ZNF808: variants seen among roughly 807,000 people sequenced by gnomAD.
ZNF808 encodes zinc finger protein 808.
ZNF808 carries 5 observed loss-of-function variants against 8.7 expected under a neutral mutation model. The observed-to-expected ratio is 0.58, with a 90% CI of 0.30 to 1.21. The LOEUF is 1.21. Among genes scored for constraint, ZNF808 ranks in the 50% most tolerant of loss-of-function variants. The pLI is 0.07. For synonymous variants in ZNF808, 380 were observed against 366.0 expected (o/e 1.04, Z -0.44); for missense variants, 1,103 against 1,098.4 (o/e 1.00, Z -0.06).
chr19:52,557,558 G>A (rs749611779), downstream of ZNF808, among the ~76,000 whole-genome samples: 3 of 152,176 alleles, frequency 2.0e-5, no homozygotes, highest in African/African-American at 2.4e-5. Context: ...GTGAGCCATC[G>A]TGCCTGAAGA....
At chr19:52,543,442 G>A in intron 3 of ZNF808, 95 bp downstream of exon 3, 1 of 1,500,666 alleles carries the variant, frequency 6.7e-7, no homozygotes, top group South Asian at 1.3e-5. Context: ...GTAGCAGCCA[G>A]TCTTTTCTGA....
At chr19:52,560,507 T>G (rs578229354), downstream of ZNF808, among the ~76,000 whole-genome samples, 12 of 150,612 alleles carry the variant, frequency 8.0e-5, no homozygotes, top group South Asian at 2.1e-4. Flanking sequence ...CTCATTTTTT[T>G]TGTGTGTATG....
At chr19:52,558,837 T>G (rs1252969023), downstream of ZNF808, among the ~76,000 whole-genome samples, 1 of 152,242 alleles carries the variant, frequency 6.6e-6, no homozygotes, top group Non-Finnish European at 1.5e-5. Context: ...CCCAACCCTG[T>G]GCTGGCAGAA....
intron 3 of ZNF808, among the ~76,000 whole-genome samples, chr19:52,544,845 G>T (rs1006133691): frequency 2.6e-5 from 4 of 151,946 alleles, no homozygotes; most frequent in African/African-American, 9.7e-5. Flanking sequence ...TTGTAGTGGC[G>T]GCATCTCAGC....
At chr19:52,560,808 C>T (rs2059853734), downstream of ZNF808, among the ~76,000 whole-genome samples, 2 of 152,158 alleles carry the variant, frequency 1.3e-5, no homozygotes, top group South Asian at 2.1e-4. Flanking sequence ...TTCACTCCTA[C>T]GTGCCCATTC....
chr19:52,554,099 G>C lies in ZNF808; in HGVS notation c.1183G>C (p.Gly395Arg), dbSNP rs143359308. 1.5e-5 allele frequency: 25 copies of C among 1,614,096 alleles called. No individual in the cohort carries two copies. In the East Asian group the frequency reaches 5.6e-4, roughly 36 times the overall value. Residue 395 changes from glycine (G) to arginine (R), a missense_variant, in exon 5 of 5, where the codon GGA becomes CGA. By Grantham distance (125) the Gly-to-Arg change is moderately radical. Transcript: ENST00000359798. The stretch of plus-strand genomic sequence containing the variant: ...GGCAAACCATACTAGAATTCATAGT[G>C]GAGAGAAAACATACAAGTGTAATGA... ...YLANHTRIHS[G>R]EKTYKCNECG...
In ZNF808 at chr19:52,554,843, A is replaced by C. The variant is rs772134983; in HGVS notation, c.1927A>C (p.Arg643=). The change falls in exon 5 of 5, where the codon AGA becomes CGA. Residue 643 remains arginine, a synonymous_variant. Coordinates refer to ENST00000359798, the MANE Select transcript of ZNF808 (RefSeq NM_001039886.4). ...GAATTCACAGCTGGCACGACATACA[A>C]GAATTCACACTGGAGAAAAAACTTA... ...TWNSQLARHT[R]IHTGEKTYKC... The C allele has an allele frequency of 3.7e-6, 6 of 1,614,220 alleles. No homozygotes were observed. The highest frequency in any genetic ancestry group is 5.1e-6 in the Non-Finnish European group (6 of 1,180,028).
At chr19:52,567,531 A>G (rs1384026726), downstream of ZNF808, among the ~76,000 whole-genome samples, 3 of 113,670 alleles carry the variant, frequency 2.6e-5, no homozygotes, top group East Asian at 4.7e-4. Flanking sequence ...TATTATTATT[A>G]TTTTGTTTTT....
chr19:52,549,305 C>A (rs326444), intron 4 of ZNF808, among the ~76,000 whole-genome samples: 50,514 of 151,954 alleles, frequency 0.33, 9,214 homozygotes, highest in East Asian at 0.52. Flanking sequence ...CACATCTCTA[C>A]CTACTGTGCC....
Position 52,549,734 on chromosome 19 carries a change from A to G in ZNF808, c.190+2096A>G, listed in dbSNP as rs182064950. ...TCCTTTCCTGGCCTTGACTCACATG[A>G]TACATTGATCTGGATGCAAATACTG... On this transcript the variant is annotated intron_variant, in intron 4 of 4. Coordinates refer to ENST00000359798, the MANE Select transcript of ZNF808 (RefSeq NM_001039886.4). Among the ~76,000 whole-genome samples the G allele has an allele frequency of 4.9e-3, 745 of 152,066 alleles. 5 individuals are homozygous for G. Among genetic ancestry groups the G allele is most frequent in the African/African-American group, 0.017 (696 of 41,438 alleles).
In ZNF808 at chr19:52,538,634, AACC is replaced by A. The variant is rs1406768133; in HGVS notation, c.-19-4630_-19-4628del. On this transcript the variant is annotated intron_variant, in intron 2 of 4. Transcript: ENST00000359798. ...TAAGAGCGAAACTCTGTCTCAAAAA[AACC>A]AAAAAAGAATGGAGCAAAACAGGAG... Among the ~76,000 whole-genome samples the A allele has an allele frequency of 4.8e-4, 70 of 145,888 alleles. 2 individuals are homozygous for A. In the Middle Eastern group the frequency reaches 0.017, roughly 36 times the overall value.
At chr19:52,541,653 C>G (rs1187746672) in intron 2 of ZNF808, among the ~76,000 whole-genome samples, 1 of 151,278 alleles carries the variant, frequency 6.6e-6, no homozygotes, top group African/African-American at 2.4e-5. Flanking sequence ...AGTTTTAACT[C>G]GAATTTTAAA....
intron 1 of ZNF808, among the ~76,000 whole-genome samples, chr19:52,531,020 G>A (rs1210524526): frequency 6.6e-6 from 1 of 151,900 alleles, no homozygotes; most frequent in African/African-American, 2.4e-5. Flanking sequence ...GTGGTGGCAT[G>A]CGTCTGTAGT....
intron 4 of ZNF808, among the ~76,000 whole-genome samples, chr19:52,549,006 T>C (rs903566788): frequency 1.3e-5 from 2 of 151,818 alleles, no homozygotes; most frequent in Non-Finnish European, 2.9e-5. Context: ...GGAATATTGC[T>C]CTGTCACCCA....
chr19:52,547,739 G>GTGTT lies in ZNF808; in HGVS notation c.190+102_190+103insGTTT, dbSNP rs1555766742. The GTGTT allele has an allele frequency of 4.6e-4, 461 of 1,010,510 alleles. 5 individuals carry two copies. The highest frequency in any genetic ancestry group is 1.1e-3 in the East Asian group (29 of 25,976). 62.6% of individuals were successfully genotyped at this position (1,010,510 alleles called of 1,614,324 possible). A position where few individuals can be genotyped will look rare whatever the true frequency, so the allele number is the denominator to read the frequency against. ...TTGTGATTTTGCCCCATCCATGCTG[G>GTGTT]TTTTTTTTTTTTTTTTTTTTGACAT... On this transcript the variant is annotated intron_variant, in intron 4 of 4. Transcript: ENST00000359798.
chr19:52,565,707 T>G (rs1315985094), downstream of ZNF808, among the ~76,000 whole-genome samples: 2 of 152,192 alleles, frequency 1.3e-5, no homozygotes, highest in East Asian at 3.8e-4. Context: ...AAATTGTGTA[T>G]TCAATGAAAG....
intron 3 of ZNF808, among the ~76,000 whole-genome samples, chr19:52,545,735 G>A (rs1568484728): frequency 6.6e-6 from 1 of 151,742 alleles, no homozygotes; most frequent in Non-Finnish European, 1.5e-5. Flanking sequence ...CTGAGAGATT[G>A]TGCCACTGTA....
chr19:52,545,342 G>A (rs1231490587), intron 3 of ZNF808, among the ~76,000 whole-genome samples: 2 of 152,168 alleles, frequency 1.3e-5, no homozygotes, highest in Non-Finnish European at 2.9e-5. Flanking sequence ...ACGCCATGAT[G>A]TGATGTGTGT....
At chr19:52,535,572 C>T (rs148664468) in intron 2 of ZNF808, among the ~76,000 whole-genome samples, 53 of 152,242 alleles carry the variant, frequency 3.5e-4, no homozygotes, top group African/African-American at 1.2e-3. Context: ...CTGAGCACTC[C>T]GTCCCGCATC....
Sources: allele counts gnomAD v4.1 joint callset (sites outside exome capture counted in the v4.1 genomes callset), GRCh38; gene constraint gnomAD v4.1.1; transcripts MANE v1.5; gene names NCBI Gene and HGNC (gene_info 2026-07-23, HGNC 2026-07-21).